Variants in GOLM1 observed in about 807,000 individuals in gnomAD.
GOLM1 encodes golgi membrane protein 1, also known as epididymis luminal protein 46.
Under a neutral mutation model 50.5 loss-of-function variants are expected in GOLM1, and 31 were observed. That is an observed-to-expected ratio of 0.61 (90% CI 0.46 to 0.83). The LOEUF is 0.83. Ranked by LOEUF, GOLM1 falls within the 40% of genes least tolerant of loss-of-function variation. The probability of loss-of-function intolerance (pLI) is 0.00; values close to 1 mark genes in which losing one functional copy is unlikely to be tolerated. For synonymous variants in GOLM1, 178 were observed against 192.8 expected (o/e 0.92, Z 0.64); for missense variants, 491 against 501.3 (o/e 0.98, Z 0.20).
rs139831634 is a variant in GOLM1 at position 86,035,405 on chromosome 9, G to A, written c.978C>T (p.Pro326=). The change falls in exon 8 of 10, where the codon CCC becomes CCT. Residue 326 remains proline (P), a synonymous_variant. Transcript: ENST00000388712. The stretch of plus-strand genomic sequence containing the variant: ...CTTCCTGCTCCTCCTCCTGTCCGTC[G>A]GGGATGACAAGCTGGTCTCGCTCAG... The part of the protein sequence containing the change: ...EGPERDQLVI[P]DGQEEEQEAA... 3,291 of 1,613,898 alleles carry A rather than the reference G, an allele frequency of 2.0e-3. 24 individuals are homozygous for A. In the African/African-American group the frequency reaches 0.021, roughly 10 times the overall value.
At chr9:86,095,164 A>G (rs1191961558) in intron 1 of GOLM1, among the ~76,000 whole-genome samples, 1 of 152,056 alleles carries the variant, frequency 6.6e-6, no homozygotes, top group African/African-American at 2.4e-5. Context: ...ACTGCCGCCC[A>G]AGGGCCCAAT....
intron 7 of GOLM1, 87 bp downstream of exon 7, chr9:86,036,261 C>T: frequency 7.1e-7 from 1 of 1,405,680 alleles, no homozygotes; most frequent in Non-Finnish European, 1.0e-6. Context: ...GCCGGGTTCA[C>T]TGACTGCCTC....
Position 86,036,510 on chromosome 9 carries a change from G to A in GOLM1, c.598-3C>T, listed in dbSNP as rs1833151594. 3 of 1,613,608 alleles carry A rather than the reference G, an allele frequency of 1.9e-6. No homozygotes were observed. ...TGAGGCTCACTGAGGGCTTGGAGCT[G>A]AAACAGAAGCACAGGACAGCCAGCC... On this transcript the variant is annotated splice_polypyrimidine_tract_variant and splice_region_variant and intron_variant, in intron 6 of 9. Transcript: ENST00000388712.
At chr9:86,040,680 CA>C in intron 6 of GOLM1, 58 bp downstream of exon 6, 1 of 1,540,172 alleles carries the variant, frequency 6.5e-7, no homozygotes, top group Non-Finnish European at 8.8e-7. Flanking sequence ...ATAAAAGAAA[CA>C]AAATGCCTGA....
chr9:86,089,735 A>G (rs1389153979), intron 1 of GOLM1, among the ~76,000 whole-genome samples: 1 of 151,970 alleles, frequency 6.6e-6, no homozygotes, highest in Non-Finnish European at 1.5e-5. Context: ...TTTATTACCC[A>G]CCTTCTGAAG....
Position 86,027,116 on chromosome 9 carries a change from A to G in GOLM1, c.*701T>C, listed in dbSNP as rs1459174621. ...ATGTTGCTTTGCCCACACACGAAGC[A>G]AAGTAAATAAAGACCACAAATGTTC... is the stretch of plus-strand genomic sequence containing the variant. On this transcript the variant is annotated 3_prime_UTR_variant, in exon 10 of 10. Coordinates refer to ENST00000388712, the MANE Select transcript of GOLM1 (RefSeq NM_016548.4). The G allele has an allele frequency of 1.0e-5, 10 of 984,438 alleles. No homozygotes were observed. The highest frequency in any genetic ancestry group is 8.7e-5 in the African/African-American group (5 of 57,246). The allele number at this position is 984,438 out of a possible 1,614,324, so 61.0% of individuals were successfully genotyped here.
At chr9:86,075,041 C>T (rs1300012111) in intron 3 of GOLM1, among the ~76,000 whole-genome samples, 1 of 152,158 alleles carries the variant, frequency 6.6e-6, no homozygotes, top group African/African-American at 2.4e-5. Context: ...GTCAAGCCCT[C>T]ATACATGGGA....
Position 86,032,435 on chromosome 9 carries a change from G to T in GOLM1, c.1129+847C>A, listed in dbSNP as rs536853250. Among the ~76,000 whole-genome samples the T allele has an allele frequency of 1.5e-4, 23 of 152,160 alleles. No homozygotes were observed. The South Asian group carries it at 4.8e-3, about 32-fold the overall frequency. ...GCCTGCCTTGGTCTCCCAAAGCGCTGGGATTACAGGTGTGAGCCACCACAC... is the reference window on the plus strand; with the variant it reads ...GCCTGCCTTGGTCTCCCAAAGCGCTTGGATTACAGGTGTGAGCCACCACAC... On this transcript the variant is annotated intron_variant, in intron 9 of 9. Transcript: ENST00000388712.
At position 86,049,928 on chromosome 9, in the gene GOLM1, C is replaced by G. The variant is rs187181421; in HGVS notation, c.364+2609G>C. On this transcript the variant is annotated intron_variant, in intron 4 of 9. Coordinates refer to ENST00000388712, the MANE Select transcript of GOLM1 (RefSeq NM_016548.4). ...GTTGAATAGGAGTGGTGAGACAGGGCATCCCTGTCTTGTGCCTGTTTTCAA... is the reference window on the plus strand; with the variant it reads ...GTTGAATAGGAGTGGTGAGACAGGGGATCCCTGTCTTGTGCCTGTTTTCAA... Among the ~76,000 whole-genome samples the G allele has an allele frequency of 6.3e-3, 952 of 152,278 alleles. 13 individuals carry two copies. Among genetic ancestry groups the G allele is most frequent in the African/African-American group, 0.022 (918 of 41,552 alleles).
At chr9:86,065,311 C>A (rs758850460) in intron 3 of GOLM1, among the ~76,000 whole-genome samples, 5 of 152,148 alleles carry the variant, frequency 3.3e-5, no homozygotes, top group Non-Finnish European at 5.9e-5. Context: ...CAGGCCAGGG[C>A]AGAACAGAAC....
At position 86,036,372 on chromosome 9, in the gene GOLM1, C is replaced by A; in HGVS notation, c.733G>T (p.Asp245Tyr). The change falls in exon 7 of 10, where the codon GAT becomes TAT. Residue 245 changes from aspartate to tyrosine, a missense_variant. By Grantham distance (160) the Asp-to-Tyr change is radical. Coordinates refer to ENST00000388712, the MANE Select transcript of GOLM1 (RefSeq NM_016548.4). ...TPAPSSEVVL[D>Y]SKRQVEKEET... ...CCTTTCTCAACTTGTCTCTTTGAAT[C>A]CAAAACCACTTCGGAACTGGGGGCT... 1 of 1,614,216 alleles carries A rather than the reference C, an allele frequency of 6.2e-7. No individual in the cohort carries two copies.
At position 86,027,714 on chromosome 9, in the gene GOLM1, C is replaced by A; in HGVS notation, c.*103G>T. 6.8e-7 allele frequency: 1 copy of A among 1,461,998 alleles called. No individual in the cohort carries two copies. Among genetic ancestry groups the A allele is most frequent in the East Asian group, 2.5e-5 (1 of 39,856 alleles). 90.6% of individuals were successfully genotyped at this position (1,461,998 alleles called of 1,614,324 possible). A position where few individuals can be genotyped will look rare whatever the true frequency, so the allele number is the denominator to read the frequency against. ...TTCACAATAATCATCTTCAGATGTA[C>A]ATTTTATTTAGTACATTTCACAGTT... is the stretch of plus-strand genomic sequence containing the variant. On this transcript the variant is annotated 3_prime_UTR_variant, in exon 10 of 10. Coordinates refer to ENST00000388712, the MANE Select transcript of GOLM1 (RefSeq NM_016548.4).
intron 4 of GOLM1, among the ~76,000 whole-genome samples, 160 bp downstream of exon 4, chr9:86,052,374 TAAG>T (rs992963889): frequency 3.9e-5 from 6 of 152,190 alleles, no homozygotes; most frequent in Non-Finnish European, 7.4e-5. Context: ...AAAAGCCTCT[TAAG>T]GAGATAGACT....
At chr9:86,028,355 G>A (rs145601189) in intron 9 of GOLM1, among the ~76,000 whole-genome samples, 258 of 152,290 alleles carry the variant, frequency 1.7e-3, no homozygotes, top group African/African-American at 5.9e-3. Context: ...GGAACGATTC[G>A]GACGCCAAGG....
At chr9:86,028,842 CT>C (rs35054627) in intron 9 of GOLM1, among the ~76,000 whole-genome samples, 7,632 of 106,870 alleles carry the variant, frequency 0.071, 197 homozygotes, top group African/African-American at 0.16. Flanking sequence ...GATAAGGGAA[CT>C]TTTTTTTTTT....
intron 3 of GOLM1, among the ~76,000 whole-genome samples, chr9:86,063,603 C>T (rs1834222844): frequency 6.6e-6 from 1 of 152,186 alleles, no homozygotes; most frequent in African/African-American, 2.4e-5. Flanking sequence ...AGTGAAAAAA[C>T]AGCTACCTCC....
intron 5 of GOLM1, among the ~76,000 whole-genome samples, chr9:86,041,345 T>G (rs1833342650): frequency 1.3e-5 from 2 of 152,154 alleles, no homozygotes; most frequent in Non-Finnish European, 2.9e-5. Context: ...ACTAGCCACA[T>G]GACTGGAAAG....
At position 86,035,351 on chromosome 9, in the gene GOLM1, C is replaced by T. The variant is rs775493975; in HGVS notation, c.1015+17G>A. Reference sequence around the variant, plus strand: ...GTGGAAGGGAGTCCACAGCGGCCCCCGAAACTTCACACCCACCTTCCCCGG... The same window carrying T: ...GTGGAAGGGAGTCCACAGCGGCCCCTGAAACTTCACACCCACCTTCCCCGG... On this transcript the variant is annotated intron_variant, in intron 8 of 9. Coordinates refer to ENST00000388712, the MANE Select transcript of GOLM1 (RefSeq NM_016548.4). The T allele has an allele frequency of 9.3e-6, 15 of 1,610,126 alleles. No homozygotes were observed. Among genetic ancestry groups the T allele is most frequent in the South Asian group, 3.3e-5 (3 of 90,632 alleles).
At chr9:86,060,708 G>A (rs985005455) in intron 3 of GOLM1, among the ~76,000 whole-genome samples, 38 of 151,582 alleles carry the variant, frequency 2.5e-4, no homozygotes, top group Admixed American at 4.6e-4. Flanking sequence ...GAGAAGCCCC[G>A]TCTCTACTAA....
Sources: allele counts gnomAD v4.1 joint callset (sites outside exome capture counted in the v4.1 genomes callset), GRCh38; gene constraint gnomAD v4.1.1; transcripts MANE v1.5; gene names NCBI Gene and HGNC (gene_info 2026-07-23, HGNC 2026-07-21).